Variants in STPG2 observed in about 807,000 individuals in gnomAD.
STPG2 encodes sperm-tail PG-rich repeat-containing protein 2.
A neutral mutation model predicts 54.2 loss-of-function variants in STPG2; 56 were observed. The observed-to-expected ratio is 1.03, with a 90% CI of 0.83 to 1.29. The LOEUF (loss-of-function observed/expected upper bound fraction) is 1.29. Among genes scored for constraint, STPG2 ranks in the 50% most tolerant of loss-of-function variants. The probability of loss-of-function intolerance (pLI) is 0.00; values close to 1 mark genes in which losing one functional copy is unlikely to be tolerated. For synonymous variants in STPG2, 200 were observed against 181.8 expected (o/e 1.10, Z -0.81); for missense variants, 596 against 544.9 (o/e 1.09, Z -0.93).
chr4:97,544,002 A>G (rs1397813701), intron 4 of STPG2, among the ~76,000 whole-genome samples: 2 of 152,142 alleles, frequency 1.3e-5, no homozygotes, highest in Non-Finnish European at 2.9e-5. Flanking sequence ...AACCTTAATC[A>G]TAATAGAATG....
chr4:97,743,407 C>T (rs1260349597), intron 9 of STPG2, among the ~76,000 whole-genome samples: 1 of 151,682 alleles, frequency 6.6e-6, no homozygotes, highest in Non-Finnish European at 1.5e-5. Flanking sequence ...CTTACATAGA[C>T]TTATTGTTAT....
chr4:97,680,411 T>C (rs1273165559), intron 10 of STPG2, among the ~76,000 whole-genome samples: 1 of 152,148 alleles, frequency 6.6e-6, no homozygotes, highest in Admixed American at 6.6e-5. Flanking sequence ...AGTTCACTCA[T>C]GATTTGGCTC....
chr4:98,003,573 T>C (rs562090670), intron 5 of STPG2, among the ~76,000 whole-genome samples: 1 of 152,202 alleles, frequency 6.6e-6, no homozygotes, highest in East Asian at 1.9e-4. Flanking sequence ...CTCAGGATAA[T>C]AATATATGCC....
intron 3 of STPG2, among the ~76,000 whole-genome samples, chr4:98,124,972 T>C (rs1041072519): frequency 6.6e-6 from 1 of 152,228 alleles, no homozygotes; most frequent in Non-Finnish European, 1.5e-5. Context: ...TGTTTGGCTA[T>C]TGACACTTGT....
intron 9 of STPG2, among the ~76,000 whole-genome samples, chr4:97,737,757 G>A (rs1029791523): frequency 6.6e-6 from 1 of 152,156 alleles, no homozygotes; most frequent in Non-Finnish European, 1.5e-5. Context: ...AAAGTGACGG[G>A]GAGAATGGAA....
intron 4 of STPG2, among the ~76,000 whole-genome samples, chr4:97,466,663 C>T (rs948277120): frequency 2.6e-5 from 4 of 151,830 alleles, no homozygotes; most frequent in African/African-American, 4.8e-5. Context: ...TTTCTTCCAT[C>T]GTTTATGGTT....
intron 5 of STPG2, among the ~76,000 whole-genome samples, chr4:98,075,210 A>T (rs906408859): frequency 2.6e-5 from 4 of 152,156 alleles, no homozygotes; most frequent in Non-Finnish European, 4.4e-5. Flanking sequence ...AATCTAGCCT[A>T]CATTTTTAGC....
chr4:97,688,827 A>C (rs1316859733), intron 10 of STPG2, among the ~76,000 whole-genome samples: 5 of 152,214 alleles, frequency 3.3e-5, no homozygotes, highest in African/African-American at 7.2e-5. Context: ...TTCATTCACC[A>C]AATAATAATT....
chr4:97,504,781 C>A (rs1170127158), intron 4 of STPG2, among the ~76,000 whole-genome samples: 3 of 151,912 alleles, frequency 2.0e-5, no homozygotes, highest in African/African-American at 4.8e-5. Flanking sequence ...ATGGGCTTGA[C>A]ATGTTACTTA....
At chr4:97,674,446 A>C (rs570104224) in intron 10 of STPG2, among the ~76,000 whole-genome samples, 1 of 152,344 alleles carries the variant, frequency 6.6e-6, no homozygotes, top group East Asian at 1.9e-4. Flanking sequence ...TGGTCAAAAT[A>C]ATCCAAAGTG....
intron 4 of STPG2, among the ~76,000 whole-genome samples, chr4:97,447,751 C>A (rs950537840): frequency 6.6e-6 from 1 of 152,210 alleles, no homozygotes; most frequent in Non-Finnish European, 1.5e-5. Flanking sequence ...AGAAGTCTTT[C>A]GCAGGGTCAG....
In STPG2 at chr4:97,553,838, G is replaced by A. The variant is rs76743837; in HGVS notation, c.462+158861C>T. The stretch of plus-strand genomic sequence containing the variant: ...TGGATTAGTCTATTCAACAGTATTT[G>A]CAAACCGAACCTCATGAGAGTGACA... On this transcript the variant is annotated intron_variant, in intron 4 of 4. Transcript: ENST00000522676. Among the ~76,000 whole-genome samples, 264 of 152,184 alleles carry A rather than the reference G, an allele frequency of 1.7e-3. 3 individuals carry two copies. Among genetic ancestry groups the A allele is most frequent in the Admixed American group, 0.016 (242 of 15,276 alleles).
intron 10 of STPG2, among the ~76,000 whole-genome samples, chr4:97,570,262 A>C (rs1732566030): frequency 6.6e-6 from 1 of 152,150 alleles, no homozygotes; most frequent in Admixed American, 6.6e-5. Context: ...TATCAGTGTT[A>C]CCTTTTCTAA....
At chr4:98,110,745 C>A (rs752379685) in intron 3 of STPG2, among the ~76,000 whole-genome samples, 35 of 152,108 alleles carry the variant, frequency 2.3e-4, no homozygotes, top group Non-Finnish European at 4.6e-4. Flanking sequence ...CGATTGAATT[C>A]TCTCTTATGA....
chr4:97,837,551 A>T (rs1331587244), intron 9 of STPG2, among the ~76,000 whole-genome samples: 1 of 151,690 alleles, frequency 6.6e-6, no homozygotes, highest in Admixed American at 6.6e-5. Context: ...TGGTGTAATA[A>T]GAAAAGACTG....
chr4:97,915,983 T>C (rs1217527704), intron 8 of STPG2, among the ~76,000 whole-genome samples: 1 of 152,024 alleles, frequency 6.6e-6, no homozygotes, highest in Non-Finnish European at 1.5e-5. Context: ...TTAGTCAGAA[T>C]GGAAAAGAGG....
At position 97,840,795 on chromosome 4, in the gene STPG2, T is replaced by C; in HGVS notation, c.1182A>G (p.Leu394=). 6.2e-7 allele frequency: 1 copy of C among 1,611,598 alleles called. No individual in the cohort carries two copies. Among genetic ancestry groups the C allele is most frequent in the African/African-American group, 1.3e-5 (1 of 74,882 alleles). ...ASFLSATPRC[L]EKVTDGPGPA... ...TACCTGGCCCATCAGTCACTTTTTC[T>C]AGGCACCGAGGAGTTGCACTAAGAA... The change falls in exon 9 of 11, where the codon CTA becomes CTG. Residue 394 remains leucine (L), a synonymous_variant. Transcript: ENST00000295268.
At chr4:97,953,325 C>T (rs1733544346) in intron 7 of STPG2, among the ~76,000 whole-genome samples, 1 of 152,164 alleles carries the variant, frequency 6.6e-6, no homozygotes, top group African/African-American at 2.4e-5. Context: ...GCAAAACTCA[C>T]ACCTGCTAGC....
In STPG2 at chr4:97,954,283, G is replaced by A. The variant is rs577692283; in HGVS notation, c.934-10276C>T. ...GACCAGAAGCCTACGATTCTGATGAGGGTAGACCTCTGAGAGGTGAGCTAC... is the reference window on the plus strand; with the variant it reads ...GACCAGAAGCCTACGATTCTGATGAAGGTAGACCTCTGAGAGGTGAGCTAC... On this transcript the variant is annotated intron_variant, in intron 7 of 10. Coordinates refer to ENST00000295268, the MANE Select transcript of STPG2 (RefSeq NM_174952.3). 5.9e-5 allele frequency among the ~76,000 whole-genome samples: 9 copies of A among 152,298 alleles called. No homozygotes were observed. The East Asian group carries it at 1.7e-3, about 29-fold the overall frequency.
Sources: allele counts gnomAD v4.1 joint callset (sites outside exome capture counted in the v4.1 genomes callset), GRCh38; gene constraint gnomAD v4.1.1; transcripts MANE v1.5; gene names NCBI Gene and HGNC (gene_info 2026-07-23, HGNC 2026-07-21).